ARHGAP6: variants seen among roughly 807,000 people sequenced by gnomAD.
ARHGAP6 encodes the protein Rho GTPase activating protein 6, also known as rho GTPase-activating protein 6.
ARHGAP6 carries 16 observed loss-of-function variants against 55.7 expected under a neutral mutation model. The ratio of observed to expected loss-of-function variants is 0.29; its 90% CI spans 0.19 to 0.44. The LOEUF (loss-of-function observed/expected upper bound fraction) is 0.44, where lower values mean the gene tolerates loss of function less well. Among genes scored for constraint, ARHGAP6 ranks in the 20% least tolerant of loss-of-function variants. The probability of loss-of-function intolerance (pLI) is 1.00; values close to 1 mark genes in which losing one functional copy is unlikely to be tolerated. For missense variants in ARHGAP6, 698 were observed against 808.9 expected (o/e 0.86, Z 1.66); for synonymous variants, 382 against 360.9 (o/e 1.06, Z -0.66).
intron 1 of ARHGAP6, chrX:11,299,103 T>C: frequency 1.2e-6 from 1 of 858,570 alleles, no homozygotes; most frequent in Non-Finnish European, 1.7e-6. Context: ...ATGATTCTAT[T>C]AGTCCAAGCA....
intron 1 of ARHGAP6, among the ~76,000 whole-genome samples, chrX:11,424,749 G>A (rs756315449): frequency 8.9e-5 from 10 of 112,440 alleles, no homozygotes; most frequent in African/African-American, 1.6e-4. Context: ...CTGGAAGGAC[G>A]GAGTCACCAT....
chrX:11,154,667 T>C (rs188995891), intron 10 of ARHGAP6, among the ~76,000 whole-genome samples: 43 of 112,024 alleles, frequency 3.8e-4, no homozygotes, highest in African/African-American at 1.4e-3. Flanking sequence ...TAAATGGAAA[T>C]GCCAGCATGT....
chrX:11,399,386 TTAAA>T lies in ARHGAP6; in HGVS notation c.589-144683_589-144680del, dbSNP rs1256697275. Reference sequence around the variant, plus strand: ...AAAAAAAAAAAAAAAAACCACTGGCTTAAATAAAGACCAAATAAATGGATCATTG... The same window carrying T: ...AAAAAAAAAAAAAAAAACCACTGGCTTAAAGACCAAATAAATGGATCATTG... On this transcript the variant is annotated intron_variant, in intron 1 of 12. Transcript: ENST00000337414. 9.6e-5 allele frequency among the ~76,000 whole-genome samples: 10 copies of T among 104,422 alleles called. No individual in the cohort carries two copies. In the Admixed American group the frequency reaches 1.0e-3, roughly 11 times the overall value. The allele number at this position is 104,422 out of a possible 115,157, so 90.7% of individuals were successfully genotyped here. A position where few individuals can be genotyped will look rare whatever the true frequency, so the allele number is the denominator to read the frequency against.
intron 1 of ARHGAP6, among the ~76,000 whole-genome samples, chrX:11,439,336 CATAA>C (rs1474007188): frequency 8.9e-6 from 1 of 111,896 alleles, no homozygotes; most frequent in Non-Finnish European, 1.9e-5. Flanking sequence ...TTTCAACATC[CATAA>C]ATAAAGTCTT....
intron 1 of ARHGAP6, among the ~76,000 whole-genome samples, chrX:11,493,835 CT>C (rs35315280): frequency 0.033 from 2,914 of 88,276 alleles, 43 homozygotes; most frequent in Middle Eastern, 0.065. Flanking sequence ...AACAGAATGC[CT>C]TTTTTTTTTT....
chrX:11,524,275 G>A (rs1014727673), intron 1 of ARHGAP6, among the ~76,000 whole-genome samples: 4 of 111,489 alleles, frequency 3.6e-5, no homozygotes, highest in African/African-American at 1.3e-4. Flanking sequence ...AGAGGAAGAC[G>A]TGTGTGTTAT....
In ARHGAP6 at chrX:11,199,935, CT is replaced by C. The variant is rs1359080477; in HGVS notation, c.749-2940del. On this transcript the variant is annotated intron_variant, in intron 2 of 12. Coordinates refer to ENST00000337414, the MANE Select transcript of ARHGAP6 (RefSeq NM_013427.3). ...AATGCAACTGCTTATTCCTCTTCTC[CT>C]TTGTGATTAATCTGTGGTTTGTCTT... Among the ~76,000 whole-genome samples, 7 of 112,274 alleles carry C rather than the reference CT, an allele frequency of 6.2e-5. No homozygotes were observed. In the Admixed American group the frequency reaches 6.6e-4, roughly 11 times the overall value.
At chrX:11,168,925 A>G (rs2046052539) in intron 9 of ARHGAP6, among the ~76,000 whole-genome samples, 1 of 112,097 alleles carries the variant, frequency 8.9e-6, no homozygotes, top group Admixed American at 9.4e-5. Context: ...GGATATGGAG[A>G]GGAGATAACA....
chrX:11,664,619 G>C lies in ARHGAP6; in HGVS notation c.210C>G (p.Leu70=). 1 of 1,168,790 alleles carries C rather than the reference G, an allele frequency of 8.6e-7. No individual in the cohort carries two copies. Among genetic ancestry groups the C allele is most frequent in the South Asian group, 1.9e-5 (1 of 52,520 alleles). ...ATAGRLYSPS[L]PAESLGPRLA... The stretch of plus-strand genomic sequence containing the variant: ...AGCGAGGGCCGAGACTCTCGGCTGG[G>C]AGTGATGGGGAGTAGAGGCGGCCCG... Residue 70 remains leucine (L), a synonymous_variant, in exon 1 of 13, where the codon CTC becomes CTG. Transcript: ENST00000337414.
chrX:11,622,258 G>C (rs1304291760), intron 1 of ARHGAP6, among the ~76,000 whole-genome samples: 1 of 111,785 alleles, frequency 8.9e-6, no homozygotes, highest in Non-Finnish European at 1.9e-5. Flanking sequence ...TTCACTCTCA[G>C]AAATGCCAAA....
intron 1 of ARHGAP6, among the ~76,000 whole-genome samples, chrX:11,327,892 T>C (rs772505656): frequency 1.8e-5 from 2 of 112,023 alleles, no homozygotes; most frequent in African/African-American, 6.5e-5. Flanking sequence ...AAGTCTTTGA[T>C]TATTCTACAC....
chrX:11,333,315 T>C (rs1177918872), intron 1 of ARHGAP6, among the ~76,000 whole-genome samples: 4 of 111,441 alleles, frequency 3.6e-5, no homozygotes, highest in Non-Finnish European at 1.9e-5. Flanking sequence ...TGATAGTGAG[T>C]TCTCACGAGA....
intron 5 of ARHGAP6, 73 bp from the exon 6 acceptor site, chrX:11,182,191 C>A (rs1333718899): frequency 1.2e-4 from 104 of 902,177 alleles, no homozygotes; most frequent in Non-Finnish European, 1.6e-4. Context: ...AAATACAGAG[C>A]AGAATGCCAG....
rs1245835820 is a variant in ARHGAP6 at position 11,144,364 on chromosome X, CAAAA to C, written c.1908-120_1908-117del. 30 of 976,527 alleles carry C rather than the reference CAAAA, an allele frequency of 3.1e-5. No individual in the cohort carries two copies. The South Asian group carries it at 3.5e-4, about 11-fold the overall frequency. The allele number at this position is 976,527 out of a possible 1,213,427, so 80.5% of individuals were successfully genotyped here. On this transcript the variant is annotated intron_variant, in intron 10 of 12. Transcript: ENST00000337414. ...GAGTATGCGTGGACACGGGCTGAAA[CAAAA>C]AGACCATTTTGAGCAATGTTCCAAG... is the stretch of plus-strand genomic sequence containing the variant.
intron 2 of ARHGAP6, among the ~76,000 whole-genome samples, chrX:11,230,377 T>C (rs2047110953): frequency 9.0e-6 from 1 of 110,810 alleles, no homozygotes; most frequent in Non-Finnish European, 1.9e-5. Flanking sequence ...TTTGTATTTT[T>C]AGTAGAGACG....
intron 3 of ARHGAP6, among the ~76,000 whole-genome samples, chrX:11,190,707 G>A (rs1303515325): frequency 9.0e-6 from 1 of 110,805 alleles, no homozygotes; most frequent in Non-Finnish European, 1.9e-5. Context: ...CTGCTCAGGT[G>A]GGCATATGCA....
chrX:11,655,202 G>A (rs1215572299), intron 1 of ARHGAP6, among the ~76,000 whole-genome samples: 1 of 110,921 alleles, frequency 9.0e-6, no homozygotes, highest in Non-Finnish European at 1.9e-5. Context: ...ATTCATCCAA[G>A]GCATAGCATT....
intron 2 of ARHGAP6, among the ~76,000 whole-genome samples, chrX:11,233,676 C>T (rs751854214): frequency 1.8e-5 from 2 of 112,159 alleles, no homozygotes; most frequent in Non-Finnish European, 3.8e-5. Flanking sequence ...CTCTCAGCTA[C>T]TTATTTCTTG....
intron 1 of ARHGAP6, among the ~76,000 whole-genome samples, chrX:11,663,842 G>T (rs924473666): frequency 8.9e-6 from 1 of 112,586 alleles, no homozygotes; most frequent in Admixed American, 9.4e-5. Context: ...TACAGAACAA[G>T]ATGGCAGACA....
Sources: allele counts gnomAD v4.1 joint callset (sites outside exome capture counted in the v4.1 genomes callset), GRCh38; gene constraint gnomAD v4.1.1; transcripts MANE v1.5; gene names NCBI Gene and HGNC (gene_info 2026-07-23, HGNC 2026-07-21).